The following DTNB variants were observed in gnomAD, a reference collection of about 807,000 sequenced individuals.
The protein encoded by DTNB is DTN-B.
A neutral mutation model predicts 90.7 loss-of-function variants in DTNB; 63 were observed. The observed-to-expected ratio is 0.69, with a 90% CI of 0.57 to 0.86. DTNB has a LOEUF of 0.86. Ranked by LOEUF, DTNB falls within the 40% of genes least tolerant of loss-of-function variation. The pLI, the probability that DTNB is intolerant of heterozygous loss-of-function variation, is 0.00. For synonymous variants in DTNB, 277 were observed against 286.7 expected (o/e 0.97, Z 0.34); for missense variants, 744 against 807.1 (o/e 0.92, Z 0.95).
chr2:25,555,146 C>T (rs2057066239), intron 8 of DTNB, among the ~76,000 whole-genome samples: 1 of 151,874 alleles, frequency 6.6e-6, no homozygotes. Flanking sequence ...AATAAATTAG[C>T]TGGGTGTGGT....
At chr2:25,568,353 C>T (rs1366154222) in intron 8 of DTNB, among the ~76,000 whole-genome samples, 1 of 151,572 alleles carries the variant, frequency 6.6e-6, no homozygotes, top group Non-Finnish European at 1.5e-5. Context: ...TTAATAGGAG[C>T]TTGGGAGGGA....
chr2:25,593,985 T>C (rs1387600401), intron 6 of DTNB, among the ~76,000 whole-genome samples: 2 of 152,160 alleles, frequency 1.3e-5, no homozygotes, highest in Non-Finnish European at 2.9e-5. Context: ...GTATACACCA[T>C]ACACAAGATT....
At chr2:25,384,114 G>A (rs2038755025) in intron 18 of DTNB, among the ~76,000 whole-genome samples, 1 of 152,264 alleles carries the variant, frequency 6.6e-6, no homozygotes, top group African/African-American at 2.4e-5. Context: ...GAGCAGTGCG[G>A]TCACATCGCT....
At chr2:25,582,337 CAG>C (rs2061680047) in intron 6 of DTNB, among the ~76,000 whole-genome samples, 1 of 152,174 alleles carries the variant, frequency 6.6e-6, no homozygotes, top group African/African-American at 2.4e-5. Context: ...CAAGACTAGA[CAG>C]ACTTATTCCT....
At chr2:25,588,175 T>C (rs1166151213) in intron 6 of DTNB, among the ~76,000 whole-genome samples, 1 of 151,712 alleles carries the variant, frequency 6.6e-6, no homozygotes, top group Non-Finnish European at 1.5e-5. Flanking sequence ...AAAGGCTCTA[T>C]AAAGCCTCCT....
intron 3 of DTNB, among the ~76,000 whole-genome samples, chr2:25,636,904 T>G (rs887341939): frequency 2.0e-5 from 3 of 151,800 alleles, no homozygotes; most frequent in African/African-American, 7.3e-5. Context: ...GATGGCATGA[T>G]AAACTCTTCG....
At chr2:25,597,808 A>G (rs975393881) in intron 5 of DTNB, among the ~76,000 whole-genome samples, 2 of 152,230 alleles carry the variant, frequency 1.3e-5, no homozygotes, top group Non-Finnish European at 2.9e-5. Flanking sequence ...TAACAGAGAA[A>G]GATGACAAAT....
rs2038671621 is a variant in DTNB, at chr2:25,383,909, G to A, written c.1826-20C>T. 6.2e-7 allele frequency: 1 copy of A among 1,613,866 alleles called. No homozygotes were observed. Among genetic ancestry groups the A allele is most frequent in the African/African-American group, 1.3e-5 (1 of 74,916 alleles). ...CCTCTGCTGTGAAAACAAGTCCAAG[G>A]AGGCCAGTGACCCTTCGGCACAGGA... On this transcript the variant is annotated intron_variant, in intron 18 of 20. Transcript: ENST00000406818.
intron 2 of DTNB, among the ~76,000 whole-genome samples, chr2:25,644,811 T>C (rs1181032895): frequency 6.6e-6 from 1 of 152,046 alleles, no homozygotes; most frequent in Non-Finnish European, 1.5e-5. Context: ...TTAGTTCAAA[T>C]AACTAACACA....
intron 8 of DTNB, among the ~76,000 whole-genome samples, chr2:25,543,495 G>C (rs2081767753): frequency 6.6e-6 from 1 of 151,960 alleles, no homozygotes; most frequent in Non-Finnish European, 1.5e-5. Flanking sequence ...AATAGAGACA[G>C]GTTTCACCAT....
chr2:25,483,753 T>C (rs577255203), intron 9 of DTNB, among the ~76,000 whole-genome samples: 1 of 152,302 alleles, frequency 6.6e-6, no homozygotes, highest in Admixed American at 6.5e-5. Flanking sequence ...GGGTTCTGTC[T>C]TGCATCTGGA....
chr2:25,657,606 G>A (rs1199617059), intron 1 of DTNB, among the ~76,000 whole-genome samples: 1 of 152,028 alleles, frequency 6.6e-6, no homozygotes, highest in Non-Finnish European at 1.5e-5. Flanking sequence ...TGTATTCCTG[G>A]CTACTCAGGA....
chr2:25,396,731 TAAAAAAAAAA>T (rs35592591), intron 16 of DTNB, among the ~76,000 whole-genome samples: 1 of 87,630 alleles, frequency 1.1e-5, no homozygotes, highest in East Asian at 3.7e-4. Flanking sequence ...TAAAAGGAAC[TAAAAAAAAAA>T]AAAAAAAAAA....
At chr2:25,635,081 A>T (rs1331896605) in intron 3 of DTNB, among the ~76,000 whole-genome samples, 1 of 146,462 alleles carries the variant, frequency 6.8e-6, no homozygotes, top group Non-Finnish European at 1.5e-5. Flanking sequence ...TAAAAAAAGA[A>T]AAAAAAAAAA....
chr2:25,481,106 A>T (rs2064842770), intron 10 of DTNB, among the ~76,000 whole-genome samples: 1 of 152,182 alleles, frequency 6.6e-6, no homozygotes, highest in South Asian at 2.1e-4. Flanking sequence ...GAGATAAAAA[A>T]TTGAAAACAA....
At chr2:25,458,699 C>T (rs1459237273) in intron 10 of DTNB, among the ~76,000 whole-genome samples, 1 of 152,068 alleles carries the variant, frequency 6.6e-6, no homozygotes, top group African/African-American at 2.4e-5. Flanking sequence ...GGCTGGAGTG[C>T]AGTGGTGCAA....
At chr2:25,562,529 A>T (rs1170059252) in intron 8 of DTNB, among the ~76,000 whole-genome samples, 1 of 152,198 alleles carries the variant, frequency 6.6e-6, no homozygotes, top group Non-Finnish European at 1.5e-5. Context: ...TGGCTATACC[A>T]TTTTATATTC....
At chr2:25,455,561 G>T (rs1414429055) in intron 10 of DTNB, 67 bp from the exon 11 acceptor site, 2 of 1,341,468 alleles carry the variant, frequency 1.5e-6, no homozygotes, top group Admixed American at 4.8e-5. Context: ...AATGAACATG[G>T]ATTAAAATGA....
intron 16 of DTNB, among the ~76,000 whole-genome samples, chr2:25,413,070 T>C (rs2046982718): frequency 6.6e-6 from 1 of 152,216 alleles, no homozygotes; most frequent in African/African-American, 2.4e-5. Context: ...ATCCTGCATT[T>C]TATAGATTAT....
Sources: allele counts gnomAD v4.1 joint callset (sites outside exome capture counted in the v4.1 genomes callset), GRCh38; gene constraint gnomAD v4.1.1; transcripts MANE v1.5; gene names NCBI Gene and HGNC (gene_info 2026-07-23, HGNC 2026-07-21).